Variants in CDKAL1 observed in about 807,000 individuals in gnomAD.
CDKAL1 encodes the protein threonylcarbamoyladenosine tRNA methylthiotransferase.
CDKAL1 carries 32 observed loss-of-function variants against 68.2 expected under a neutral mutation model. The ratio of observed to expected loss-of-function variants is 0.47; its 90% CI spans 0.35 to 0.63. The LOEUF is 0.63. Ranked by LOEUF, CDKAL1 falls within the 30% of genes least tolerant of loss-of-function variation. CDKAL1 has a pLI of 0.00. For synonymous variants in CDKAL1, 234 were observed against 244.3 expected (o/e 0.96, Z 0.39); for missense variants, 606 against 696.7 (o/e 0.87, Z 1.47).
intron 8 of CDKAL1, among the ~76,000 whole-genome samples, chr6:20,836,783 A>G (rs1777967996): frequency 6.6e-6 from 1 of 152,142 alleles, no homozygotes; most frequent in South Asian, 2.1e-4. Flanking sequence ...CTGAATTGAT[A>G]GGGATTCTAT....
chr6:20,718,814 A>C (rs1772209761), intron 5 of CDKAL1, among the ~76,000 whole-genome samples: 1 of 152,154 alleles, frequency 6.6e-6, no homozygotes, highest in Non-Finnish European at 1.5e-5. Context: ...AAATATTTTT[A>C]CTTTTTTTAT....
Position 21,135,799 on chromosome 6 carries a change from T to G in CDKAL1, c.1299+27336T>G, listed in dbSNP as rs1049435038. 6.7e-6 allele frequency: 4 copies of G among 595,826 alleles called. No homozygotes were observed. The African/African-American group carries it at 8.1e-5, about 12-fold the overall frequency. The allele number at this position is 595,826 out of a possible 1,614,324, so 36.9% of individuals were successfully genotyped here. A position where few individuals can be genotyped will look rare whatever the true frequency, so the allele number is the denominator to read the frequency against. On this transcript the variant is annotated intron_variant, in intron 13 of 15. Transcript: ENST00000274695. ...AGCTTTCAAGAGGCCAGTGCTCCGC[T>G]TCTCCATTGGAGAACGGGTGCCATC...
chr6:20,545,423 A>G (rs1561914179), intron 2 of CDKAL1, among the ~76,000 whole-genome samples: 1 of 152,024 alleles, frequency 6.6e-6, no homozygotes, highest in Non-Finnish European at 1.5e-5. Flanking sequence ...AATGCTTTTC[A>G]GTATGTCTTA....
intron 9 of CDKAL1, among the ~76,000 whole-genome samples, chr6:20,913,029 A>G (rs1235941826): frequency 6.6e-6 from 1 of 151,958 alleles, no homozygotes; most frequent in Non-Finnish European, 1.5e-5. Flanking sequence ...AAGTGTTGAG[A>G]GCAGATATCT....
intron 9 of CDKAL1, among the ~76,000 whole-genome samples, chr6:20,927,502 A>T (rs1763240504): frequency 6.6e-6 from 1 of 152,154 alleles, no homozygotes; most frequent in South Asian, 2.1e-4. Context: ...ATAGGAGTAC[A>T]CCTCTTTTGC....
At chr6:20,758,951 C>T (rs949241745) in intron 7 of CDKAL1, among the ~76,000 whole-genome samples, 4 of 152,050 alleles carry the variant, frequency 2.6e-5, no homozygotes, top group Admixed American at 2.6e-4. Context: ...GAGTTCAAGA[C>T]CAGCCTGGGC....
intron 5 of CDKAL1, among the ~76,000 whole-genome samples, chr6:20,665,271 A>G (rs1274163300): frequency 6.6e-6 from 1 of 152,134 alleles, no homozygotes; most frequent in Non-Finnish European, 1.5e-5. Context: ...AATATAATCT[A>G]TGCACACACA....
At chr6:20,541,596 T>TA (rs1356741794) in intron 2 of CDKAL1, among the ~76,000 whole-genome samples, 4 of 152,194 alleles carry the variant, frequency 2.6e-5, no homozygotes, top group Non-Finnish European at 5.9e-5. Flanking sequence ...GAGGATGAGT[T>TA]ACCCTGGCAA....
intron 9 of CDKAL1, among the ~76,000 whole-genome samples, chr6:20,867,459 G>A (rs532684563): frequency 6.6e-6 from 1 of 152,180 alleles, no homozygotes. Flanking sequence ...CAAAAAACAC[G>A]ATTTATGTTT....
intron 13 of CDKAL1, 48 bp from the exon 14 acceptor site, chr6:21,197,972 AG>A (rs1778537337): frequency 8.6e-7 from 1 of 1,159,190 alleles, no homozygotes; most frequent in South Asian, 1.4e-5. Context: ...TTGGATTCAC[AG>A]GTGTTTACCC....
intron 12 of CDKAL1, among the ~76,000 whole-genome samples, chr6:21,081,537 A>G (rs957411030): frequency 4.0e-5 from 6 of 151,896 alleles, no homozygotes; most frequent in African/African-American, 1.2e-4. Context: ...CTCTTGGAGT[A>G]ACTTCTAAAG....
At chr6:20,722,619 C>A in intron 5 of CDKAL1, 1 of 195,014 alleles carries the variant, frequency 5.1e-6, no homozygotes, top group South Asian at 9.9e-5. Flanking sequence ...GGGCCGGACC[C>A]TGGTGAAACC....
chr6:20,578,892 G>A (rs10456232), intron 4 of CDKAL1, among the ~76,000 whole-genome samples: 8,060 of 152,256 alleles, frequency 0.053, 231 homozygotes, highest in Middle Eastern at 0.078. Context: ...CATGAAACAG[G>A]AGGAAAAGTG....
At chr6:21,106,847 G>T (rs1773870362) in intron 12 of CDKAL1, among the ~76,000 whole-genome samples, 1 of 151,566 alleles carries the variant, frequency 6.6e-6, no homozygotes, top group African/African-American at 2.4e-5. Context: ...ATCAATGTTT[G>T]TGTTTGTGTG....
intron 15 of CDKAL1, among the ~76,000 whole-genome samples, chr6:21,205,799 G>C (rs1328896113): frequency 6.8e-6 from 1 of 146,906 alleles, no homozygotes; most frequent in Admixed American, 6.9e-5. Context: ...CCAAAGTGCT[G>C]GGATTACATG....
chr6:21,099,951 G>A (rs1016824313), intron 12 of CDKAL1, among the ~76,000 whole-genome samples: 1 of 152,194 alleles, frequency 6.6e-6, no homozygotes, highest in East Asian at 1.9e-4. Context: ...GCAAAGAAAT[G>A]TTCTCTTTAG....
intron 7 of CDKAL1, among the ~76,000 whole-genome samples, chr6:20,771,317 A>C (rs529880535): frequency 6.6e-6 from 1 of 152,294 alleles, no homozygotes; most frequent in African/African-American, 2.4e-5. Context: ...GAGGACTAAG[A>C]GAGTGAATTT....
intron 5 of CDKAL1, among the ~76,000 whole-genome samples, chr6:20,650,418 C>A (rs1185362416): frequency 6.6e-6 from 1 of 151,676 alleles, no homozygotes; most frequent in Non-Finnish European, 1.5e-5. Context: ...GTTTTTTTTC[C>A]TATATATCTG....
intron 4 of CDKAL1, among the ~76,000 whole-genome samples, chr6:20,589,542 A>G (rs765087880): frequency 2.2e-4 from 34 of 152,208 alleles, no homozygotes; most frequent in Non-Finnish European, 4.9e-4. Flanking sequence ...AGGTATTCTC[A>G]GGGAACGTTC....
Sources: allele counts gnomAD v4.1 joint callset (sites outside exome capture counted in the v4.1 genomes callset), GRCh38; gene constraint gnomAD v4.1.1; transcripts MANE v1.5; gene names NCBI Gene and HGNC (gene_info 2026-07-23, HGNC 2026-07-21).